The following RCAN1 variants were observed in gnomAD, a reference collection of about 807,000 sequenced individuals.
RCAN1 encodes the protein calcipressin-1.
In RCAN1, 11 loss-of-function variants were observed where a neutral mutation model predicts 22.9. The observed-to-expected ratio is 0.48, with a 90% CI of 0.30 to 0.79. The LOEUF is 0.79. RCAN1 is among the 30% of genes least tolerant of loss of function. The pLI, the probability that RCAN1 is intolerant of heterozygous loss-of-function variation, is 0.06. For missense variants in RCAN1, 291 were observed against 337.8 expected, an observed-to-expected ratio of 0.86 and a Z score of 1.09; for synonymous variants, 136 against 142.3, an observed-to-expected ratio of 0.96 and a Z score of 0.32.
intron 1 of RCAN1, among the ~76,000 whole-genome samples, chr21:34,581,676 T>C (rs574870444): frequency 6.6e-6 from 1 of 152,172 alleles, no homozygotes; most frequent in Non-Finnish European, 1.5e-5. Context: ...AAAGCCTCCA[T>C]TGCCTACAGG....
chr21:34,540,021 C>T (rs765365345), intron 1 of RCAN1, among the ~76,000 whole-genome samples: 30 of 152,144 alleles, frequency 2.0e-4, no homozygotes, highest in Non-Finnish European at 3.8e-4. Flanking sequence ...CTATTCCTTG[C>T]TCACCTGCAT....
intron 1 of RCAN1, among the ~76,000 whole-genome samples, chr21:34,567,593 G>A (rs78658468): frequency 6.2e-4 from 94 of 150,492 alleles, no homozygotes; most frequent in Non-Finnish European, 1.1e-3. Context: ...TGAATACTTC[G>A]AAAGTTGAGA....
chr21:34,533,041 A>T (rs577624156), intron 1 of RCAN1, among the ~76,000 whole-genome samples: 248 of 151,694 alleles, frequency 1.6e-3, no homozygotes, highest in Non-Finnish European at 2.5e-3. Flanking sequence ...GCTCACTGCA[A>T]GCTCCGCCTC....
intron 1 of RCAN1, among the ~76,000 whole-genome samples, chr21:34,526,121 C>A (rs1456868185): frequency 6.6e-6 from 1 of 152,152 alleles, no homozygotes; most frequent in African/African-American, 2.4e-5. Context: ...ATATTAATCA[C>A]CATCAAAGAG....
intron 1 of RCAN1, among the ~76,000 whole-genome samples, chr21:34,601,547 G>C (rs762635817): frequency 1.3e-5 from 2 of 152,124 alleles, no homozygotes; most frequent in Non-Finnish European, 2.9e-5. Flanking sequence ...GGCTGGGCAC[G>C]GTGGCTCACA....
At chr21:34,602,289 G>T (rs892113804) in intron 1 of RCAN1, among the ~76,000 whole-genome samples, 1 of 152,138 alleles carries the variant, frequency 6.6e-6, no homozygotes, top group Non-Finnish European at 1.5e-5. Context: ...AACACAGAAT[G>T]CTCTGTGCTG....
At chr21:34,562,173 T>C (rs1008444543) in intron 1 of RCAN1, among the ~76,000 whole-genome samples, 5 of 152,222 alleles carry the variant, frequency 3.3e-5, no homozygotes, top group Admixed American at 3.3e-4. Context: ...TCTTGCTCCA[T>C]TTCCTTCAGG....
chr21:34,549,155 G>A (rs956420873), intron 1 of RCAN1, among the ~76,000 whole-genome samples: 2 of 152,032 alleles, frequency 1.3e-5, no homozygotes, highest in Admixed American at 6.5e-5. Flanking sequence ...CTCTGGCCAG[G>A]GACTAAGGCG....
chr21:34,556,429 A>AAAAAAT (rs139994182), intron 1 of RCAN1, among the ~76,000 whole-genome samples: 16 of 145,544 alleles, frequency 1.1e-4, no homozygotes, highest in Admixed American at 4.8e-4. Context: ...TTGTCTCAAA[A>AAAAAAT]AATAATAATA....
At chr21:34,541,297 A>C (rs1304477132) in intron 1 of RCAN1, among the ~76,000 whole-genome samples, 1 of 152,206 alleles carries the variant, frequency 6.6e-6, no homozygotes, top group Non-Finnish European at 1.5e-5. Flanking sequence ...GGACTTGAGA[A>C]TAGGGTTAGG....
At chr21:34,604,535 T>G (rs1988464159) in intron 1 of RCAN1, among the ~76,000 whole-genome samples, 1 of 152,192 alleles carries the variant, frequency 6.6e-6, no homozygotes, top group Non-Finnish European at 1.5e-5. Flanking sequence ...GTGACTGAAA[T>G]GTACCTCCTC....
intron 1 of RCAN1, among the ~76,000 whole-genome samples, chr21:34,570,715 G>A (rs1446560957): frequency 1.3e-5 from 2 of 149,224 alleles, no homozygotes; most frequent in South Asian, 2.1e-4. Context: ...GTAACACTAC[G>A]ATAAACCAAA....
intron 1 of RCAN1, among the ~76,000 whole-genome samples, chr21:34,612,388 C>T (rs1601229670): frequency 6.6e-6 from 1 of 152,224 alleles, no homozygotes; most frequent in East Asian, 1.9e-4. Flanking sequence ...CTGCTAGTCC[C>T]TCTGCCGGGA....
chr21:34,580,137 T>C (rs1249740909), intron 1 of RCAN1, among the ~76,000 whole-genome samples: 2 of 152,096 alleles, frequency 1.3e-5, no homozygotes, highest in Non-Finnish European at 2.9e-5. Context: ...GGATTCCCAG[T>C]GAGAATGGAA....
In RCAN1 at chr21:34,518,595, T is replaced by C. The variant is rs887266779; in HGVS notation, c.587-339A>G. ...CCCTTTCTGTCAGCATTTCCTCAAG[T>C]GTGAATGTGAGAAACTTCGGTTCAG... On this transcript the variant is annotated intron_variant, in intron 3 of 3. Transcript: ENST00000313806. This position sits in a 1 kb window ranked among gnomAD's most constrained non-coding sequence, Gnocchi z 4.2. 2.6e-5 allele frequency among the ~76,000 whole-genome samples: 4 copies of C among 152,176 alleles called. No individual in the cohort carries two copies. The highest frequency in any genetic ancestry group is 4.4e-5 in the Non-Finnish European group (3 of 68,034).
At chr21:34,565,113 C>T (rs1468421108) in intron 1 of RCAN1, among the ~76,000 whole-genome samples, 2 of 152,174 alleles carry the variant, frequency 1.3e-5, no homozygotes, top group Non-Finnish European at 2.9e-5. Flanking sequence ...GGGAAGATTG[C>T]TTGAGCCCAG....
chr21:34,557,961 C>T (rs755117769), intron 1 of RCAN1, among the ~76,000 whole-genome samples: 2 of 152,026 alleles, frequency 1.3e-5, no homozygotes, highest in Non-Finnish European at 2.9e-5. Flanking sequence ...CTTGGATGTC[C>T]GACCTGGAAT....
At chr21:34,589,379 C>A (rs1987899481) in intron 1 of RCAN1, among the ~76,000 whole-genome samples, 2 of 152,172 alleles carry the variant, frequency 1.3e-5, no homozygotes, top group African/African-American at 4.8e-5. Flanking sequence ...AAACTCTGAT[C>A]TTACTACTAT....
intron 1 of RCAN1, among the ~76,000 whole-genome samples, chr21:34,533,231 A>C (rs1985509040): frequency 6.6e-6 from 1 of 152,186 alleles, no homozygotes; most frequent in Non-Finnish European, 1.5e-5. Flanking sequence ...AAGTGCTGGG[A>C]TTACAGGCGT....
Sources: gnomAD v4.1 joint callset for allele counts (sites outside exome capture counted in the v4.1 genomes callset) on GRCh38, gnomAD v4.1.1 for gene constraint, Gnocchi (gnomAD v3.1) non-coding constraint, MANE v1.5 for transcripts, NCBI Gene and HGNC (gene_info 2026-07-23, HGNC 2026-07-21) for gene names.